Variants in KAZN observed in about 807,000 individuals in gnomAD.
KAZN encodes kazrin.
In KAZN, 40 loss-of-function variants were observed where a neutral mutation model predicts 87.4. The observed-to-expected ratio is 0.46, with a 90% CI of 0.36 to 0.60. The LOEUF (loss-of-function observed/expected upper bound fraction) is 0.60, where lower values mean the gene tolerates loss of function less well. Ranked by LOEUF, KAZN falls within the 20% of genes least tolerant of loss-of-function variation. The pLI is 0.00. For missense variants in KAZN, 898 were observed against 1,073.9 expected, an observed-to-expected ratio of 0.84 and a Z score of 2.29; for synonymous variants, 466 against 458.3, an observed-to-expected ratio of 1.02 and a Z score of -0.22.
In KAZN at chr1:14,205,884, C is replaced by CAAAAAAAAAAAAAAAAAAAAA. The variant is rs70997121; in HGVS notation, c.249+25294_249+25314dup. ...CAGGCGACAGAGCAAGACACTGTCT[C>CAAAAAAAAAAAAAAAAAAAAA]AAAAAAAAAAAAAAAAAAAAAAGCT... On this transcript the variant is annotated intron_variant, in intron 2 of 16. Transcript: ENST00000636203. 1.1e-3 allele frequency among the ~76,000 whole-genome samples: 40 copies of CAAAAAAAAAAAAAAAAAAAAA among 35,214 alleles called. 12 individuals are homozygous for CAAAAAAAAAAAAAAAAAAAAA. Among genetic ancestry groups the CAAAAAAAAAAAAAAAAAAAAA allele is most frequent in the African/African-American group, 2.8e-3 (20 of 7,224 alleles). 23.1% of individuals were successfully genotyped at this position (35,214 alleles called of 152,430 possible).
At chr1:14,269,742 T>C (rs1651775794) in intron 2 of KAZN, among the ~76,000 whole-genome samples, 2 of 152,144 alleles carry the variant, frequency 1.3e-5, no homozygotes, top group African/African-American at 2.4e-5. Flanking sequence ...GGAGAGTAGA[T>C]GTTAATGAAG....
chr1:14,740,475 A>T (rs918873703), intron 1 of KAZN, among the ~76,000 whole-genome samples: 1 of 152,098 alleles, frequency 6.6e-6, no homozygotes, highest in Non-Finnish European at 1.5e-5. Context: ...TCTCTGGATT[A>T]TGACAGCTGC....
At chr1:14,772,553 G>C (rs1645049523) in intron 1 of KAZN, among the ~76,000 whole-genome samples, 1 of 151,114 alleles carries the variant, frequency 6.6e-6, no homozygotes, top group Admixed American at 6.6e-5. Flanking sequence ...ACCCCTCTTG[G>C]ATCTAAGTGA....
intron 1 of KAZN, among the ~76,000 whole-genome samples, chr1:14,151,194 T>C (rs1269981873): frequency 5.4e-5 from 7 of 129,200 alleles, no homozygotes; most frequent in Non-Finnish European, 1.2e-4. Flanking sequence ...TGTTTCCAGA[T>C]TGTAGAAAAA....
chr1:14,293,367 C>A (rs1394493556), intron 2 of KAZN, among the ~76,000 whole-genome samples: 1 of 152,202 alleles, frequency 6.6e-6, no homozygotes, highest in Admixed American at 6.5e-5. Context: ...ACAGCTAAAT[C>A]TTTAGTTTCT....
At chr1:14,688,723 C>A (rs1055205004) in intron 1 of KAZN, among the ~76,000 whole-genome samples, 14 of 152,238 alleles carry the variant, frequency 9.2e-5, no homozygotes, top group African/African-American at 2.9e-4. Flanking sequence ...GTACTAGAAC[C>A]TTGCCAAGGA....
chr1:15,000,178 T>A (rs1431130424), intron 2 of KAZN, among the ~76,000 whole-genome samples: 3 of 148,966 alleles, frequency 2.0e-5, no homozygotes, highest in East Asian at 1.9e-4. Context: ...GTCAGAGAGA[T>A]CTGAAGGTGC....
intron 1 of KAZN, among the ~76,000 whole-genome samples, chr1:14,095,467 G>A (rs1644106731): frequency 6.6e-6 from 1 of 152,100 alleles, no homozygotes. Flanking sequence ...ATTTTATTGT[G>A]CTCACAGATT....
chr1:14,466,532 A>G (rs753803470), intron 2 of KAZN, among the ~76,000 whole-genome samples: 2 of 151,884 alleles, frequency 1.3e-5, no homozygotes, highest in Non-Finnish European at 2.9e-5. Flanking sequence ...TAGGAAAAAT[A>G]CCTAATATGT....
chr1:15,061,604 A>G (rs1363553709), intron 6 of KAZN: 3 of 152,188 alleles, frequency 2.0e-5, no homozygotes, highest in Non-Finnish European at 2.9e-5. Context: ...ACTGCAACCA[A>G]CACCTTCCAG....
chr1:14,587,360 CG>C (rs1675915547), intron 2 of KAZN, among the ~76,000 whole-genome samples: 2 of 150,442 alleles, frequency 1.3e-5, no homozygotes, highest in South Asian at 2.1e-4. Context: ...TGCTTTAACC[CG>C]GGAGGCAGAG....
intron 1 of KAZN, among the ~76,000 whole-genome samples, chr1:14,775,615 G>A (rs1232527398): frequency 6.6e-6 from 1 of 152,250 alleles, no homozygotes; most frequent in African/African-American, 2.4e-5. Flanking sequence ...GGGAATATGA[G>A]GACGTAAAAC....
chr1:14,036,730 A>G (rs1372032947), intron 1 of KAZN, among the ~76,000 whole-genome samples: 1 of 152,092 alleles, frequency 6.6e-6, no homozygotes, highest in Non-Finnish European at 1.5e-5. Flanking sequence ...CCGATCATCT[A>G]GGGAGAATTA....
At chr1:14,318,454 A>G in intron 2 of KAZN, among the ~76,000 whole-genome samples, 1 of 151,748 alleles carries the variant, frequency 6.6e-6, no homozygotes, top group Middle Eastern at 3.2e-3. Flanking sequence ...TTAATGTGTG[A>G]GTTTTTTCTC....
chr1:14,728,811 G>T (rs1183043068), intron 1 of KAZN, among the ~76,000 whole-genome samples: 1 of 152,160 alleles, frequency 6.6e-6, no homozygotes, highest in Non-Finnish European at 1.5e-5. Context: ...AGACCACAGT[G>T]TCCTCATCTG....
At chr1:15,041,294 C>CCT (rs1314278200) in intron 3 of KAZN, among the ~76,000 whole-genome samples, 1 of 150,516 alleles carries the variant, frequency 6.6e-6, no homozygotes, top group Non-Finnish European at 1.5e-5. Context: ...TGCAGCCCCT[C>CCT]CTCTCCCCTC....
intron 2 of KAZN, among the ~76,000 whole-genome samples, chr1:14,240,792 A>G (rs753253965): frequency 2.0e-4 from 30 of 152,146 alleles, no homozygotes; most frequent in Non-Finnish European, 3.1e-4. Flanking sequence ...GAAATCTTCT[A>G]TATTGGAGCC....
chr1:14,836,262 G>C (rs928715533), intron 1 of KAZN, among the ~76,000 whole-genome samples: 2 of 152,156 alleles, frequency 1.3e-5, no homozygotes, highest in East Asian at 1.9e-4. Flanking sequence ...TAAGCCAGAG[G>C]ACAGGAAGTT....
At chr1:14,276,661 T>A (rs990046506) in intron 2 of KAZN, among the ~76,000 whole-genome samples, 9 of 152,160 alleles carry the variant, frequency 5.9e-5, no homozygotes, top group Non-Finnish European at 7.3e-5. Flanking sequence ...TGTGTTTAAA[T>A]CTCTTTCTAT....
Sources: allele counts gnomAD v4.1 joint callset (sites outside exome capture counted in the v4.1 genomes callset), GRCh38; gene constraint gnomAD v4.1.1; transcripts MANE v1.5; gene names NCBI Gene and HGNC (gene_info 2026-07-23, HGNC 2026-07-21).